Variants in NARS2 observed in about 807,000 individuals in gnomAD.
NARS2 encodes asparaginyl-tRNA synthetase.
NARS2 carries 60 observed loss-of-function variants against 62.9 expected under a neutral mutation model. The ratio of observed to expected loss-of-function variants is 0.95; its 90% CI spans 0.77 to 1.18. NARS2 has a LOEUF of 1.18. NARS2 is among the 50% of genes most tolerant of loss of function. The pLI is 0.00. For missense variants in NARS2, 619 were observed against 576.4 expected (o/e 1.07, Z -0.76); for synonymous variants, 196 against 200.0 (o/e 0.98, Z 0.17).
intron 11 of NARS2, 93 bp from the exon 12 acceptor site, chr11:78,443,851 G>T: frequency 1.2e-6 from 1 of 841,994 alleles, no homozygotes; most frequent in East Asian, 2.7e-5. Context: ...TTTTGGCAAT[G>T]GCTAATTAAC....
At chr11:78,466,613 T>C (rs1387636218) in intron 10 of NARS2, among the ~76,000 whole-genome samples, 2 of 152,228 alleles carry the variant, frequency 1.3e-5, no homozygotes, top group East Asian at 3.9e-4. Flanking sequence ...CCCAAGTAAC[T>C]GGGACTTCAG....
intron 6 of NARS2, among the ~76,000 whole-genome samples, chr11:78,511,648 C>T (rs1005298183): frequency 4.0e-5 from 6 of 151,506 alleles, no homozygotes; most frequent in Non-Finnish European, 5.9e-5. Context: ...ATCCCGGAGG[C>T]GGAGCTTGCA....
intron 6 of NARS2, among the ~76,000 whole-genome samples, chr11:78,515,781 CCCAA>C (rs1403606207): frequency 6.6e-6 from 1 of 152,190 alleles, no homozygotes; most frequent in Non-Finnish European, 1.5e-5. Context: ...GCCTCGGCCT[CCCAA>C]AGCCCTGAGA....
intron 6 of NARS2, among the ~76,000 whole-genome samples, chr11:78,526,446 T>C (rs1861296108): frequency 6.6e-6 from 1 of 152,150 alleles, no homozygotes; most frequent in Non-Finnish European, 1.5e-5. Context: ...TTACAAAGTC[T>C]GTTAAATTGA....
At chr11:78,451,403 T>C (rs1359038544) in intron 11 of NARS2, among the ~76,000 whole-genome samples, 1 of 152,208 alleles carries the variant, frequency 6.6e-6, no homozygotes, top group Non-Finnish European at 1.5e-5. Flanking sequence ...CATAAAGATA[T>C]AATACAAACA....
intron 9 of NARS2, among the ~76,000 whole-genome samples, chr11:78,473,077 G>T (rs976870452): frequency 2.6e-5 from 4 of 152,186 alleles, no homozygotes; most frequent in African/African-American, 9.7e-5. Flanking sequence ...GAGGCAGGAG[G>T]ATTGCTTGAG....
At chr11:78,497,465 TC>T (rs1298998536) in intron 6 of NARS2, among the ~76,000 whole-genome samples, 1 of 152,118 alleles carries the variant, frequency 6.6e-6, no homozygotes, top group Admixed American at 6.6e-5. Context: ...ATAAGACTGA[TC>T]AGCAACTTTC....
At chr11:78,449,085 T>C (rs1857867905) in intron 11 of NARS2, among the ~76,000 whole-genome samples, 1 of 152,002 alleles carries the variant, frequency 6.6e-6, no homozygotes, top group African/African-American at 2.4e-5. Flanking sequence ...TGCACAGTTA[T>C]AGTTGTGTAA....
intron 11 of NARS2, among the ~76,000 whole-genome samples, chr11:78,458,819 C>T (rs2135187501): frequency 6.6e-6 from 1 of 152,274 alleles, no homozygotes; most frequent in East Asian, 1.9e-4. Context: ...TCCATAATTC[C>T]CACTTGTTGT....
intron 11 of NARS2, among the ~76,000 whole-genome samples, chr11:78,461,789 A>C (rs1591149051): frequency 1.1e-5 from 1 of 91,044 alleles, no homozygotes; most frequent in Non-Finnish European, 2.2e-5. Flanking sequence ...ACTACAAAAA[A>C]AAAAAAAAAA....
chr11:78,558,300 A>C (rs1856438116), intron 5 of NARS2: 1 of 152,232 alleles, frequency 6.6e-6, no homozygotes, highest in Non-Finnish European at 1.5e-5. Context: ...CCAGTCATGT[A>C]TAATGAAGAC....
At chr11:78,522,194 G>A (rs1037337580) in intron 6 of NARS2, among the ~76,000 whole-genome samples, 1 of 149,840 alleles carries the variant, frequency 6.7e-6, no homozygotes, top group African/African-American at 2.5e-5. Context: ...CTGGTCTCAA[G>A]TGATCCTTCC....
chr11:78,537,803 C>T (rs895457243), intron 5 of NARS2, among the ~76,000 whole-genome samples: 5 of 152,298 alleles, frequency 3.3e-5, no homozygotes, highest in South Asian at 4.1e-4. Context: ...GTCCCTAATA[C>T]GTACGTACAT....
At chr11:78,524,897 G>C (rs943673964) in intron 6 of NARS2, among the ~76,000 whole-genome samples, 1 of 152,054 alleles carries the variant, frequency 6.6e-6, no homozygotes, top group Non-Finnish European at 1.5e-5. Context: ...ACAACCAAAA[G>C]ATGTCTTTCA....
intron 11 of NARS2, among the ~76,000 whole-genome samples, chr11:78,451,269 C>G (rs1857961017): frequency 1.3e-5 from 2 of 152,236 alleles, no homozygotes; most frequent in South Asian, 4.1e-4. Context: ...AATTTTCACA[C>G]TCTTTAGTTA....
intron 7 of NARS2, among the ~76,000 whole-genome samples, chr11:78,480,546 C>T (rs969552726): frequency 6.6e-5 from 10 of 151,710 alleles, no homozygotes; most frequent in African/African-American, 7.3e-5. Flanking sequence ...TGAGCCACTG[C>T]GCCCAGCCTA....
At chr11:78,437,887 G>C (rs956808927) in intron 13 of NARS2, among the ~76,000 whole-genome samples, 2 of 148,412 alleles carry the variant, frequency 1.3e-5, no homozygotes, top group Non-Finnish European at 3.0e-5. Context: ...AGGCAGAGGA[G>C]TCGCTTGAAC....
intron 6 of NARS2, among the ~76,000 whole-genome samples, chr11:78,518,321 T>C (rs1860987288): frequency 6.6e-6 from 1 of 152,134 alleles, no homozygotes; most frequent in South Asian, 2.1e-4. Context: ...CTCAGATATA[T>C]GGAGACGAAC....
At chr11:78,490,456 A>G (rs1859772591) in intron 7 of NARS2, among the ~76,000 whole-genome samples, 1 of 152,228 alleles carries the variant, frequency 6.6e-6, no homozygotes, top group African/African-American at 2.4e-5. Context: ...AAAGCTTAAG[A>G]AACTAGCCTA....
Sources: allele counts gnomAD v4.1 joint callset (sites outside exome capture counted in the v4.1 genomes callset), GRCh38; gene constraint gnomAD v4.1.1; transcripts MANE v1.5; gene names NCBI Gene and HGNC (gene_info 2026-07-23, HGNC 2026-07-21).